Variants in DUSP11 observed in about 807,000 individuals in gnomAD.
DUSP11 encodes dual specificity phosphatase 11.
In DUSP11, 27 loss-of-function variants were observed where a neutral mutation model predicts 41.4. The observed-to-expected ratio is 0.65, with a 90% CI of 0.48 to 0.90. The LOEUF is 0.90. Ranked by LOEUF, DUSP11 falls within the 40% of genes least tolerant of loss-of-function variation. The probability of loss-of-function intolerance (pLI) is 0.00; values close to 1 mark genes in which losing one functional copy is unlikely to be tolerated. For synonymous variants in DUSP11, 188 were observed against 159.3 expected (o/e 1.18, Z -1.35); for missense variants, 465 against 461.1 (o/e 1.01, Z -0.08).
intron 4 of DUSP11, among the ~76,000 whole-genome samples, chr2:73,771,833 T>C (rs1672586296): frequency 7.2e-6 from 1 of 138,468 alleles, no homozygotes; most frequent in Non-Finnish European, 1.5e-5. Context: ...ACATCTTTTT[T>C]TTTTTGAGAC....
intron 4 of DUSP11, among the ~76,000 whole-genome samples, chr2:73,770,890 G>A (rs530558883): frequency 1.3e-5 from 2 of 152,110 alleles, no homozygotes; most frequent in Admixed American, 6.5e-5. Context: ...AGCCACACTC[G>A]GCTCTGTAAC....
chr2:73,778,986 A>G (rs1672738682), intron 1 of DUSP11, among the ~76,000 whole-genome samples: 1 of 152,078 alleles, frequency 6.6e-6, no homozygotes, highest in Non-Finnish European at 1.5e-5. Flanking sequence ...CATCTCTACT[A>G]AAAATACAAA....
chr2:73,771,659 TA>T (rs1013393649), intron 4 of DUSP11, among the ~76,000 whole-genome samples: 1 of 88,138 alleles, frequency 1.1e-5, no homozygotes, highest in African/African-American at 3.6e-5. Context: ...ATGCCTGGGT[TA>T]TTTTTTTTTT....
intron 8 of DUSP11, among the ~76,000 whole-genome samples, chr2:73,766,131 A>G (rs1672454540): frequency 6.6e-6 from 1 of 152,152 alleles, no homozygotes; most frequent in South Asian, 2.1e-4. Flanking sequence ...AACATGGTGA[A>G]ACCCCATCTC....
At chr2:73,768,474 T>C in intron 5 of DUSP11, 5 of 985,432 alleles carry the variant, frequency 5.1e-6, no homozygotes, top group Non-Finnish European at 6.0e-6. Context: ...GCAACATCCA[T>C]AAAAAGCATA....
chr2:73,779,989 G>C (rs982712249), exon 1 of DUSP11: 1 of 1,614,100 alleles, frequency 6.2e-7, no homozygotes, highest in Non-Finnish European at 8.5e-7. Flanking sequence ...GTCCCAAGAA[G>C]CCGCCCACCC....
At chr2:73,765,615 G>T (rs1040576197) in intron 8 of DUSP11, among the ~76,000 whole-genome samples, 17 of 150,302 alleles carry the variant, frequency 1.1e-4, no homozygotes, top group South Asian at 2.1e-4. Flanking sequence ...CATCCTACTG[G>T]TTCTATCATT....
At chr2:73,778,915 A>T (rs1168351917) in intron 1 of DUSP11, among the ~76,000 whole-genome samples, 4 of 152,098 alleles carry the variant, frequency 2.6e-5, no homozygotes, top group African/African-American at 9.7e-5. Context: ...TGGGAGGCTG[A>T]GGCAGGTGGA....
chr2:73,774,986 T>C, exon 3 of DUSP11: 1 of 1,612,876 alleles, frequency 6.2e-7, no homozygotes, highest in Non-Finnish European at 8.5e-7. Context: ...TTCTCGGATT[T>C]TGTTAAAAAG....
At chr2:73,773,053 A>G (rs1672616752) in intron 4 of DUSP11, among the ~76,000 whole-genome samples, 2 of 152,228 alleles carry the variant, frequency 1.3e-5, no homozygotes, top group African/African-American at 4.8e-5. Flanking sequence ...AATATGACAA[A>G]TATCATGTTC....
At chr2:73,778,468 C>T in intron 1 of DUSP11, 92 bp from the exon 2 acceptor site, 1 of 726,008 alleles carries the variant, frequency 1.4e-6, no homozygotes, top group South Asian at 2.3e-5. Flanking sequence ...TCATAGCCCG[C>T]ACAACATGTC....
chr2:73,768,960 A>AT, intron 5 of DUSP11: 3 of 159,292 alleles, frequency 1.9e-5, no homozygotes, highest in East Asian at 1.6e-4. Flanking sequence ...CGTCTCAATA[A>AT]AAAAAAAAAA....
chr2:73,764,879 C>T (rs142161023), intron 8 of DUSP11, among the ~76,000 whole-genome samples: 2,034 of 152,054 alleles, frequency 0.013, 55 homozygotes, highest in African/African-American at 0.046. Context: ...AGCAGGAGAA[C>T]TGCTTGAACC....
At chr2:73,775,905 G>A (rs928154824) in intron 2 of DUSP11, among the ~76,000 whole-genome samples, 9 of 142,296 alleles carry the variant, frequency 6.3e-5, no homozygotes, top group East Asian at 2.1e-4. Flanking sequence ...GGGTCTTGCC[G>A]TCTTGCCATG....
intron 4 of DUSP11, among the ~76,000 whole-genome samples, chr2:73,769,684 T>C (rs1312689042): frequency 6.6e-6 from 1 of 152,150 alleles, no homozygotes; most frequent in Non-Finnish European, 1.5e-5. Flanking sequence ...ATCAAACAAA[T>C]AAAAGGCCTT....
exon 9 of DUSP11, chr2:73,762,819 G>T (rs1201096740): frequency 6.2e-7 from 1 of 1,609,024 alleles, no homozygotes; most frequent in South Asian, 1.1e-5. Context: ...GGAGGAGGGA[G>T]ATGGTGTCTC....
intron 2 of DUSP11, 34 bp from the exon 3 acceptor site, chr2:73,775,078 G>A (rs948251808): frequency 6.3e-7 from 1 of 1,589,288 alleles, no homozygotes; most frequent in African/African-American, 1.4e-5. Flanking sequence ...GCAAATATGT[G>A]CTTAAAATCC....
intron 2 of DUSP11, among the ~76,000 whole-genome samples, chr2:73,775,714 G>A (rs1273640886): frequency 3.3e-5 from 5 of 151,196 alleles, no homozygotes; most frequent in Non-Finnish European, 7.4e-5. Flanking sequence ...AATTAGCCAG[G>A]GGTGGTGGCA....
At chr2:73,769,163 T>TC in intron 5 of DUSP11, 102 bp downstream of exon 5, 1 of 940,786 alleles carries the variant, frequency 1.1e-6, no homozygotes, top group Non-Finnish European at 1.7e-6. Flanking sequence ...GCCTTCTACT[T>TC]CATGTATTTC....
Sources: gnomAD v4.1 joint callset for allele counts (sites outside exome capture counted in the v4.1 genomes callset) on GRCh38, gnomAD v4.1.1 for gene constraint, MANE v1.5 for transcripts, NCBI Gene and HGNC (gene_info 2026-07-23, HGNC 2026-07-21) for gene names.